TRIOBP: variants seen among roughly 807,000 people sequenced by gnomAD.
TRIOBP encodes TRIO and F-actin-binding protein.
Under a neutral mutation model 238.8 loss-of-function variants are expected in TRIOBP, and 169 were observed. That is an observed-to-expected ratio of 0.71 (90% CI 0.62 to 0.80). The LOEUF is 0.80. TRIOBP is among the 30% of genes least tolerant of loss of function. TRIOBP has a pLI of 0.00. For synonymous variants in TRIOBP, 1,150 were observed against 1,274.4 expected (o/e 0.90, Z 2.08); for missense variants, 2,838 against 3,122.6 (o/e 0.91, Z 2.17).
chr22:37,711,123 T>C (rs899462950), intron 4 of TRIOBP, among the ~76,000 whole-genome samples: 5 of 152,308 alleles, frequency 3.3e-5, no homozygotes, highest in Non-Finnish European at 5.9e-5. Flanking sequence ...GAAACCTGGG[T>C]TCCAGCTTCA....
At chr22:37,710,090 C>T (rs539309319) in intron 3 of TRIOBP, among the ~76,000 whole-genome samples, 12 of 152,254 alleles carry the variant, frequency 7.9e-5, no homozygotes, top group Non-Finnish European at 1.5e-4. Context: ...ACGTACAGAT[C>T]GGTGTACCCG....
chr22:37,746,257 C>T (rs1367526732), intron 11 of TRIOBP: 2 of 1,064,430 alleles, frequency 1.9e-6, no homozygotes, highest in Non-Finnish European at 2.3e-6. Context: ...TGGAAGGGGC[C>T]GGGGCAGCGT....
Position 37,713,347 on chromosome 22 carries a change from G to A in TRIOBP, c.392G>A (p.Gly131Asp). 6.2e-7 allele frequency: 1 copy of A among 1,613,960 alleles called. No homozygotes were observed. Among genetic ancestry groups the A allele is most frequent in the Non-Finnish European group, 8.5e-7 (1 of 1,179,974 alleles). Residue 131 changes from glycine to aspartate, a missense_variant, in exon 5 of 24, where the codon GGC becomes GAC. By Grantham distance (94) the Gly-to-Asp change is moderately conservative. This residue lies in a region of TRIOBP where 535 missense variants were observed against 537.3 expected (regional missense o/e 1.00). Coordinates refer to ENST00000644935, the MANE Select transcript of TRIOBP (RefSeq NM_001039141.3). ...SLCGSCNEDPGSDPTSSPDSA... is the reference protein window; with the variant it reads ...SLCGSCNEDPDSDPTSSPDSA... ...TGTGGCAGCTGCAACGAGGACCCCG[G>A]CTCTGACCCCACCTCCAGCCCTGAC...
At chr22:37,711,590 A>AC (rs1205825499) in intron 4 of TRIOBP, among the ~76,000 whole-genome samples, 696 of 47,364 alleles carry the variant, frequency 0.015, 8 homozygotes, top group Admixed American at 0.021. Context: ...AAAAAAAAAA[A>AC]AACAACAAAA....
At chr22:37,728,848 A>T (rs953282935) in intron 7 of TRIOBP, among the ~76,000 whole-genome samples, 6 of 152,204 alleles carry the variant, frequency 3.9e-5, no homozygotes, top group Non-Finnish European at 7.3e-5. Context: ...GCTTGAATGA[A>T]TGTATGACAA....
At chr22:37,720,000 C>CCCTTTTTTTTTT (rs1923747483) in intron 6 of TRIOBP, among the ~76,000 whole-genome samples, 1 of 54,348 alleles carries the variant, frequency 1.8e-5, no homozygotes, top group Non-Finnish European at 3.2e-5. Context: ...CCCCCCCGCC[C>CCCTTTTTTTTTT]TTTTTTTTTT....
Position 37,737,495 on chromosome 22 carries a change from A to T in TRIOBP, c.5107-1147A>T, listed in dbSNP as rs532802588. Among the ~76,000 whole-genome samples, 3 of 151,930 alleles carry T rather than the reference A, an allele frequency of 2.0e-5. No individual in the cohort carries two copies. In the South Asian group the frequency reaches 6.3e-4, roughly 32 times the overall value. On this transcript the variant is annotated intron_variant, in intron 9 of 23. Coordinates refer to ENST00000644935, the MANE Select transcript of TRIOBP (RefSeq NM_001039141.3). ...GCTAACACGGTGGAACCCCGTCTCT[A>T]CTAAAAATACAAAAAATTAGCCGGG...
chr22:37,750,554 CG>C, intron 11 of TRIOBP: 1 of 441,598 alleles, frequency 2.3e-6, no homozygotes, highest in Non-Finnish European at 4.8e-6. Flanking sequence ...AGGTGGAAGA[CG>C]GGGTGGGCAG....
chr22:37,697,796 G>C (rs1279780856), intron 2 of TRIOBP, 100 bp downstream of exon 2: 2 of 152,374 alleles, frequency 1.3e-5, no homozygotes, highest in African/African-American at 4.8e-5. Context: ...CTGGGGCTCT[G>C]TGTGAGTGGG....
At chr22:37,707,385 T>C (rs953122411) in intron 3 of TRIOBP, among the ~76,000 whole-genome samples, 5 of 152,186 alleles carry the variant, frequency 3.3e-5, no homozygotes, top group African/African-American at 4.8e-5. Context: ...ACCTATTCCA[T>C]GGTGCCACGT....
intron 21 of TRIOBP, among the ~76,000 whole-genome samples, chr22:37,770,160 C>T (rs1418912803): frequency 1.3e-5 from 2 of 148,336 alleles, no homozygotes; most frequent in Non-Finnish European, 1.5e-5. Flanking sequence ...TTCTCCTGGC[C>T]GGGCGCGGTG....
chr22:37,733,464 C>G, intron 8 of TRIOBP, 52 bp downstream of exon 8: 2 of 1,376,884 alleles, frequency 1.5e-6, no homozygotes, highest in Non-Finnish European at 2.0e-6. Flanking sequence ...CGGCCACTGC[C>G]TCTTCCCTCC....
In TRIOBP at chr22:37,724,860, C is replaced by T; in HGVS notation, c.2304C>T (p.Leu768=). ...ACAGAACCATCCAACAAGAGAACCT[C>T]AGAACATCCTGTACCCGACAGGACA... ...SPNRTIQQEN[L]RTSCTRQDNP... Residue 768 remains leucine (L), a synonymous_variant, in exon 7 of 24, where the codon CTC becomes CTT. Transcript: ENST00000644935. The T allele has an allele frequency of 2.5e-6, 4 of 1,613,258 alleles. No homozygotes were observed. In the South Asian group the frequency reaches 4.4e-5, roughly 18 times the overall value.
At position 37,757,764 on chromosome 22, in the gene TRIOBP, G is replaced by A. The variant is rs1413867686; in HGVS notation, c.5839G>A (p.Glu1947Lys). Residue 1947 changes from glutamate (E) to lysine (K), a missense_variant, in exon 16 of 24, where the codon GAG becomes AAG. Glu to Lys is a moderately conservative substitution (Grantham distance 56). Around this residue, in one of 5 missense-constraint regions of TRIOBP, gnomAD observed 2,096 missense variants for 2,137.4 expected, o/e 0.98. Coordinates refer to ENST00000644935, the MANE Select transcript of TRIOBP (RefSeq NM_001039141.3). Reference protein sequence around the residue: ...DGQRQALDYVELSPLTQASPQ... With the variant: ...DGQRQALDYVKLSPLTQASPQ... ...GCAGCGTCAGGCCTTGGACTACGTGGAGCTCTCGCCGCTGACCCAGGCTTC... is the reference window on the plus strand; with the variant it reads ...GCAGCGTCAGGCCTTGGACTACGTGAAGCTCTCGCCGCTGACCCAGGCTTC... 1 of 1,557,482 alleles carries A rather than the reference G, an allele frequency of 6.4e-7. No individual in the cohort carries two copies. The highest frequency in any genetic ancestry group is 8.7e-7 in the Non-Finnish European group (1 of 1,151,304).
chr22:37,755,599 G>A lies in TRIOBP; in HGVS notation c.5627G>A (p.Arg1876Gln), dbSNP rs150426001. 8.7e-6 allele frequency: 14 copies of A among 1,614,064 alleles called. No homozygotes were observed. In the East Asian group the frequency reaches 1.8e-4, roughly 21 times the overall value. Residue 1876 changes from arginine (R) to glutamine (Q), a missense_variant, in exon 15 of 24, where the codon CGG becomes CAG. Arg to Gln is a conservative substitution (Grantham distance 43). Around this residue, in one of 5 missense-constraint regions of TRIOBP, gnomAD observed 2,096 missense variants for 2,137.4 expected, o/e 0.98. Transcript: ENST00000644935. Reference protein sequence around the residue: ...TLSAMTSGIRRNWIEALRKTV... With the variant: ...TLSAMTSGIRQNWIEALRKTV... ...TCGGCCATGACCTCAGGCATCCGGC[G>A]GAACTGGATCGAGGCTCTGAGAAAG...
chr22:37,742,257 GTTTTTTT>G (rs762341330), intron 11 of TRIOBP, among the ~76,000 whole-genome samples: 11 of 102,770 alleles, frequency 1.1e-4, no homozygotes, highest in Non-Finnish European at 1.8e-4. Flanking sequence ...CACGCCAGGC[GTTTTTTT>G]TTTTTTTTTT....
Position 37,751,752 on chromosome 22 carries a change from CCCT to C in TRIOBP, c.5323-15_5323-13del, listed in dbSNP as rs775184499. 1.2e-6 allele frequency: 2 copies of C among 1,614,004 alleles called. No homozygotes were observed. The highest frequency in any genetic ancestry group is 2.2e-5 in the East Asian group (1 of 44,884). ...GCTTCCTGCTGGACCCAACTCACCT[CCCT>C]CCTCATCTCCCCACAGCCCGATCTG... On this transcript the variant is annotated splice_polypyrimidine_tract_variant and intron_variant, in intron 11 of 23. Coordinates refer to ENST00000644935, the MANE Select transcript of TRIOBP (RefSeq NM_001039141.3).
Position 37,715,871 on chromosome 22 carries a change from A to G in TRIOBP, c.565A>G (p.Arg189Gly). ...GGGGCCGAGAGCTGACAGCTCCCAAAGGGCTCCGTCTCTCCTCACCAGGTC... is the reference window on the plus strand; with the variant it reads ...GGGGCCGAGAGCTGACAGCTCCCAAGGGGCTCCGTCTCTCCTCACCAGGTC... ...REGPRADSSQ[R>G]APSLLTRSPV... Residue 189 changes from arginine to glycine, a missense_variant, in exon 6 of 24, where the codon AGG becomes GGG. Transcript: ENST00000644935. 1 of 1,613,838 alleles carries G rather than the reference A, an allele frequency of 6.2e-7. No individual in the cohort carries two copies. The highest frequency in any genetic ancestry group is 8.5e-7 in the Non-Finnish European group (1 of 1,179,934).
rs868147492 is a variant in TRIOBP, at chr22:37,770,405, G to A, written c.6849+1030G>A. ...GCGGAGCGTGCAGTGAGCCGAGATC[G>A]TGCCACTGCACTCCAGCCTGGGTGA... On this transcript the variant is annotated intron_variant, in intron 21 of 23. Transcript: ENST00000644935. Among the ~76,000 whole-genome samples, 109 of 139,762 alleles carry A rather than the reference G, an allele frequency of 7.8e-4. No individual in the cohort carries two copies. In the Middle Eastern group the frequency reaches 0.022, roughly 28 times the overall value. 91.7% of individuals were successfully genotyped at this position (139,762 alleles called of 152,430 possible).
Sources: gnomAD v4.1 joint callset for allele counts (sites outside exome capture counted in the v4.1 genomes callset) on GRCh38, gnomAD v4.1.1 for gene constraint, gnomAD v4.1.1 regional missense constraint, MANE v1.5 for transcripts, NCBI Gene and HGNC (gene_info 2026-07-23, HGNC 2026-07-21) for gene names.